C2orf42: variants seen among roughly 807,000 people sequenced by gnomAD.
C2orf42 encodes the protein uncharacterized protein C2orf42.
C2orf42 carries 44 observed loss-of-function variants against 58.9 expected under a neutral mutation model. That is an observed-to-expected ratio of 0.75 (90% confidence interval 0.59 to 0.96). The LOEUF is 0.96. C2orf42 is among the 40% of genes least tolerant of loss of function. C2orf42 has a pLI of 0.00. For synonymous variants in C2orf42, 239 were observed against 265.4 expected, an observed-to-expected ratio of 0.90 and a Z score of 0.97; for missense variants, 630 against 699.2, an observed-to-expected ratio of 0.90 and a Z score of 1.12.
chr2:70,158,518 CG>C (rs1384541079), intron 9 of C2orf42, among the ~76,000 whole-genome samples: 2 of 152,062 alleles, frequency 1.3e-5, no homozygotes, highest in Non-Finnish European at 2.9e-5. Context: ...GGCACGATCT[CG>C]GCTCACTGCA....
At chr2:70,157,436 C>T (rs936243828) in intron 9 of C2orf42, among the ~76,000 whole-genome samples, 1 of 151,354 alleles carries the variant, frequency 6.6e-6, no homozygotes, top group Non-Finnish European at 1.5e-5. Context: ...GCCTGGGCGA[C>T]AGCGAGACTC....
At chr2:70,190,445 A>G (rs987056585) in intron 1 of C2orf42, 1 of 152,268 alleles carries the variant, frequency 6.6e-6, no homozygotes, top group African/African-American at 2.4e-5. Flanking sequence ...TGTACTGCCC[A>G]CACGATCCTG....
intron 4 of C2orf42, among the ~76,000 whole-genome samples, chr2:70,179,279 T>C (rs1240569905): frequency 2.6e-5 from 4 of 151,902 alleles, no homozygotes; most frequent in Non-Finnish European, 4.4e-5. Context: ...AAAAACATAA[T>C]ATTTCTTGGC....
intron 4 of C2orf42, among the ~76,000 whole-genome samples, chr2:70,177,747 C>T (rs1674286430): frequency 6.6e-6 from 1 of 152,140 alleles, no homozygotes; most frequent in Non-Finnish European, 1.5e-5. Flanking sequence ...TTTTAAAAAA[C>T]TTTGCCAGCT....
At chr2:70,185,447 C>A (rs2103662447) in intron 1 of C2orf42, among the ~76,000 whole-genome samples, 1 of 151,554 alleles carries the variant, frequency 6.6e-6, no homozygotes, top group East Asian at 1.9e-4. Context: ...CAGTGGCTCA[C>A]ACCTGTAATT....
At chr2:70,150,755 G>GT (rs997084495) in intron 9 of C2orf42, among the ~76,000 whole-genome samples, 191 bp from the exon 10 acceptor site, 9 of 151,620 alleles carry the variant, frequency 5.9e-5, no homozygotes, top group Middle Eastern at 3.2e-3. Flanking sequence ...GGGTTATTTT[G>GT]TTTTTTTTGA....
rs1672206521 is a variant in C2orf42, at chr2:70,150,012, G to A, written c.*344C>T. ...AACTTTCCAACACTGTTGGTGTATG[G>A]CTGAGTGCTGCAGATTTCTCAGAGA... On this transcript the variant is annotated 3_prime_UTR_variant, in exon 10 of 10. Coordinates refer to ENST00000264434, the MANE Select transcript of C2orf42 (RefSeq NM_017880.3). 2 of 331,344 alleles carry A rather than the reference G, an allele frequency of 6.0e-6. No homozygotes were observed. The highest frequency in any genetic ancestry group is 2.8e-5 in the South Asian group (1 of 35,862). 20.5% of individuals were successfully genotyped at this position (331,344 alleles called of 1,614,324 possible).
In C2orf42 at chr2:70,179,622, GT is replaced by G; in HGVS notation, c.843del (p.Gln283SerfsTer2). Reference sequence around the variant, plus strand: ...GATTCTGAATGGCAACCTAACTGGGGTACAATAATCTCTTTAAGACCTAAAA... The same window carrying G: ...GATTCTGAATGGCAACCTAACTGGGGACAATAATCTCTTTAAGACCTAAAA... ...FDSSGLKEII[V>X]PQLGCHSEST... On this transcript the variant is annotated frameshift_variant, in exon 4 of 10. Coordinates refer to ENST00000264434, the MANE Select transcript of C2orf42 (RefSeq NM_017880.3). LOFTEE classifies it high-confidence loss of function. 1 of 1,487,440 alleles carries G rather than the reference GT, an allele frequency of 6.7e-7. No individual in the cohort carries two copies. Among genetic ancestry groups the G allele is most frequent in the Non-Finnish European group, 9.4e-7 (1 of 1,066,250 alleles). 92.1% of individuals were successfully genotyped at this position (1,487,440 alleles called of 1,614,324 possible).
chr2:70,179,673 T>A (rs776739680), intron 3 of C2orf42, 31 bp from the exon 4 acceptor site: 1 of 920,576 alleles, frequency 1.1e-6, no homozygotes, highest in Non-Finnish European at 1.8e-6. Flanking sequence ...GAATTATTAA[T>A]CCTATCCAAG....
At chr2:70,161,231 T>A (rs1007483932) in intron 8 of C2orf42, among the ~76,000 whole-genome samples, 2 of 152,196 alleles carry the variant, frequency 1.3e-5, no homozygotes, top group African/African-American at 4.8e-5. Context: ...TGGAACTGGA[T>A]GCTGTGGTGA....
chr2:70,183,978 A>T (rs1278429814), intron 1 of C2orf42, among the ~76,000 whole-genome samples: 1 of 151,822 alleles, frequency 6.6e-6, no homozygotes, highest in East Asian at 1.9e-4. Context: ...GCTAATTTTT[A>T]AAAAATTTTT....
chr2:70,150,523 T>G lies in C2orf42; in HGVS notation c.1558A>C (p.Ile520Leu). ...PDQKEPTPFI[I>L]EWIPDILPQS... ...GGAAGGATATCTGGGATCCACTCGA[T>G]GATGAAAGGTGTTGGCTCCTTTTGA... The change falls in exon 10 of 10, where the codon ATC (isoleucine) becomes CTC (leucine). Residue 520 changes from isoleucine (I) to leucine (L), a missense_variant. Coordinates refer to ENST00000264434, the MANE Select transcript of C2orf42 (RefSeq NM_017880.3). 6.2e-7 allele frequency: 1 copy of G among 1,614,012 alleles called. No individual in the cohort carries two copies. The highest frequency in any genetic ancestry group is 8.5e-7 in the Non-Finnish European group (1 of 1,179,926).
At chr2:70,158,469 A>G (rs1235740581) in intron 9 of C2orf42, among the ~76,000 whole-genome samples, 1 of 151,732 alleles carries the variant, frequency 6.6e-6, no homozygotes, top group Non-Finnish European at 1.5e-5. Flanking sequence ...TTTGTTTTTG[A>G]GACAGAGTCT....
Position 70,160,769 on chromosome 2 carries a change from G to A in C2orf42, c.1372C>T (p.Arg458Cys), listed in dbSNP as rs552906288. The A allele has an allele frequency of 3.8e-6, 6 of 1,597,180 alleles. No individual in the cohort carries two copies. The highest frequency in any genetic ancestry group is 1.7e-4 in the Middle Eastern group (1 of 5,994). ...DTPEMPLEIT[R>C]SFIQNRDGTY... is the part of the protein sequence containing the mutation. ...CCATCTCGGTTCTGGATAAAGCTACGGGTGATTTCCAAGGGCATCTGGACA... is the reference window on the plus strand; with the variant it reads ...CCATCTCGGTTCTGGATAAAGCTACAGGTGATTTCCAAGGGCATCTGGACA... The change falls in exon 9 of 10, where the codon CGT becomes TGT. Residue 458 changes from arginine to cysteine, a missense_variant. Arg to Cys is a radical substitution (Grantham distance 180). Coordinates refer to ENST00000264434, the MANE Select transcript of C2orf42 (RefSeq NM_017880.3).
chr2:70,152,644 G>A (rs761960096), intron 9 of C2orf42, among the ~76,000 whole-genome samples: 19 of 152,114 alleles, frequency 1.2e-4, no homozygotes, highest in Non-Finnish European at 2.8e-4. Context: ...GCGCCACTTC[G>A]TTTCCTTTAG....
At chr2:70,160,930 A>G (rs1358413659) in intron 8 of C2orf42, 143 bp from the exon 9 acceptor site, 2 of 594,750 alleles carry the variant, frequency 3.4e-6, no homozygotes, top group Non-Finnish European at 5.7e-6. Context: ...GTTTTTCAAG[A>G]AAATCCTGTC....
At chr2:70,150,986 C>T (rs183148864) in intron 9 of C2orf42, among the ~76,000 whole-genome samples, 21 of 152,260 alleles carry the variant, frequency 1.4e-4, no homozygotes, top group African/African-American at 3.1e-4. Context: ...CCTTGTGATC[C>T]GCCCACCTCA....
At chr2:70,173,661 G>T (rs1025857941) in intron 5 of C2orf42, among the ~76,000 whole-genome samples, 2 of 151,774 alleles carry the variant, frequency 1.3e-5, no homozygotes, top group African/African-American at 4.8e-5. Flanking sequence ...ATTTCATCCT[G>T]TTACCCGTGC....
chr2:70,158,884 G>GCCCGGCC (rs1672871751), intron 9 of C2orf42, among the ~76,000 whole-genome samples: 7 of 148,990 alleles, frequency 4.7e-5, no homozygotes, highest in Admixed American at 6.7e-5. Flanking sequence ...GAGCCACCGC[G>GCCCGGCC]CTCGGCCGAG....
Sources: gnomAD v4.1 joint callset for allele counts (sites outside exome capture counted in the v4.1 genomes callset) on GRCh38, gnomAD v4.1.1 for gene constraint, MANE v1.5 for transcripts, NCBI Gene and HGNC (gene_info 2026-07-23, HGNC 2026-07-21) for gene names.